The following GLMN variants were observed in gnomAD, a reference collection of about 807,000 sequenced individuals.
GLMN encodes glomulin, FKBP associated protein, also known as glomulin.
A neutral mutation model predicts 87.8 loss-of-function variants in GLMN; 75 were observed. The ratio of observed to expected loss-of-function variants is 0.85; its 90% CI spans 0.71 to 1.04. GLMN has a LOEUF of 1.04. GLMN is among the 50% of genes least tolerant of loss of function. The pLI is 0.00. For missense variants in GLMN, 588 were observed against 658.8 expected, an observed-to-expected ratio of 0.89 and a Z score of 1.18; for synonymous variants, 206 against 221.6, an observed-to-expected ratio of 0.93 and a Z score of 0.63.
chr1:92,335,165 A>T, the GLMN span, among the ~76,000 whole-genome samples: 2 of 151,878 alleles, frequency 1.3e-5, no homozygotes, highest in African/African-American at 4.8e-5. Flanking sequence ...ACACTGTATG[A>T]GGGTTCCCTT....
At chr1:92,273,088 A>G (rs1426377312) in intron 7 of GLMN, among the ~76,000 whole-genome samples, 5 of 152,216 alleles carry the variant, frequency 3.3e-5, no homozygotes, top group Non-Finnish European at 5.9e-5. Context: ...CTTTTATTCA[A>G]TAAACACTTA....
chr1:92,266,360 G>T, intron 13 of GLMN, 59 bp downstream of exon 13: 1 of 871,396 alleles, frequency 1.1e-6, no homozygotes, highest in Non-Finnish European at 2.0e-6. Context: ...CAATTACATG[G>T]CATTAACATG....
At chr1:92,246,778 T>G in intron 18 of GLMN, 132 bp from the exon 19 acceptor site, 2 of 715,428 alleles carry the variant, frequency 2.8e-6, no homozygotes, top group South Asian at 3.0e-5. Context: ...CACCTGTAAT[T>G]CCTGTGCTTT....
intron 16 of GLMN, among the ~76,000 whole-genome samples, chr1:92,256,206 A>C (rs1318696625): frequency 1.3e-5 from 2 of 152,174 alleles, no homozygotes; most frequent in Admixed American, 6.5e-5. Flanking sequence ...AACCAGGAAG[A>C]AGTCGAATCC....
the GLMN span, among the ~76,000 whole-genome samples, chr1:92,311,400 A>G: frequency 1.3e-5 from 2 of 152,256 alleles, no homozygotes; most frequent in African/African-American, 4.8e-5. Context: ...AGAGAAACTT[A>G]TACTACCTTG....
the GLMN span, among the ~76,000 whole-genome samples, chr1:92,317,752 C>G: frequency 6.6e-6 from 1 of 152,196 alleles, no homozygotes; most frequent in Non-Finnish European, 1.5e-5. Context: ...CTACCTTATG[C>G]TTTTTCCCTT....
chr1:92,366,689 C>T, the GLMN span, among the ~76,000 whole-genome samples: 1 of 152,134 alleles, frequency 6.6e-6, no homozygotes, highest in Non-Finnish European at 1.5e-5. Context: ...TGCTAAGGAG[C>T]ATGCAGTATA....
intron 7 of GLMN, among the ~76,000 whole-genome samples, chr1:92,281,359 A>G (rs1480927287): frequency 1.3e-5 from 2 of 152,248 alleles, no homozygotes. Flanking sequence ...TTTCATATCC[A>G]GCCAAACTAA....
rs1238410405 is a variant in GLMN at position 92,267,975 on chromosome 1, T to C, written c.1036A>G (p.Ile346Val). The change falls in exon 11 of 19, where the codon ATA becomes GTA. Residue 346 changes from isoleucine to valine, a missense_variant. Ile to Val is a conservative substitution (Grantham distance 29, BLOSUM62 3). Transcript: ENST00000370360. The stretch of plus-strand genomic sequence containing the variant: ...TGGTAAAGTAGACTATTGTCTTCTA[T>C]TCTCAATAAACTATTCTCCAGCAGC... ...LELLENSLLR[I>V]EDNSLLYQYL... 1.3e-6 allele frequency: 2 copies of C among 1,570,250 alleles called. No individual in the cohort carries two copies. The highest frequency in any genetic ancestry group is 1.8e-6 in the Non-Finnish European group (2 of 1,140,206).
At chr1:92,361,498 G>GA in the GLMN span, among the ~76,000 whole-genome samples, 1 of 151,922 alleles carries the variant, frequency 6.6e-6, no homozygotes, top group Non-Finnish European at 1.5e-5. Context: ...CATTGCACGT[G>GA]AAAAAACAAA....
In GLMN at chr1:92,264,639, C is replaced by G. The variant is rs768440365; in HGVS notation, c.1215-1G>C. On this transcript the variant is annotated splice_acceptor_variant, in intron 13 of 18. Transcript: ENST00000370360. LOFTEE classifies it high-confidence loss of function. The stretch of plus-strand genomic sequence containing the variant: ...GTGATTACTTGTATTCAATAAGCAC[C>G]TTGAAAGCAAAATTACAATAGATGT... 7 of 1,514,224 alleles carry G rather than the reference C, an allele frequency of 4.6e-6. No individual in the cohort carries two copies. The highest frequency in any genetic ancestry group is 6.4e-6 in the Non-Finnish European group (7 of 1,089,350). 93.8% of individuals were successfully genotyped at this position (1,514,224 alleles called of 1,614,324 possible). A position where few individuals can be genotyped will look rare whatever the true frequency, so the allele number is the denominator to read the frequency against.
At position 92,266,726 on chromosome 1, in the gene GLMN, T is replaced by C. The variant is rs1251723971; in HGVS notation, c.1114A>G (p.Met372Val). ...LTVPQGLVKV[M>V]TLCPIETLRK... ...AGTGTCTCAATGGGGCAAAGTGTCA[T>C]TACTTTCACTAAGCCCTGGAAATAA... is the stretch of plus-strand genomic sequence containing the variant. The change falls in exon 12 of 19, where the codon ATG becomes GTG. Residue 372 changes from methionine to valine, a missense_variant. Transcript: ENST00000370360. 1.2e-6 allele frequency: 2 copies of C among 1,601,924 alleles called. No individual in the cohort carries two copies. The highest frequency in any genetic ancestry group is 8.5e-7 in the Non-Finnish European group (1 of 1,169,908).
the GLMN span, among the ~76,000 whole-genome samples, chr1:92,348,463 G>C: frequency 6.6e-6 from 1 of 151,980 alleles, no homozygotes. Context: ...TCTAACTTTT[G>C]CTCTAGGCCT....
chr1:92,348,537 A>C, the GLMN span, among the ~76,000 whole-genome samples: 1 of 152,028 alleles, frequency 6.6e-6, no homozygotes, highest in Non-Finnish European at 1.5e-5. Flanking sequence ...GAATCTCCCT[A>C]TTCTTTTGAT....
At chr1:92,315,196 T>C in the GLMN span, among the ~76,000 whole-genome samples, 2 of 152,030 alleles carry the variant, frequency 1.3e-5, no homozygotes, top group African/African-American at 4.8e-5. Context: ...CTAATTTCAA[T>C]ATTGTTGTGT....
the GLMN span, among the ~76,000 whole-genome samples, chr1:92,330,628 G>C: frequency 1.3e-5 from 2 of 151,468 alleles, no homozygotes; most frequent in African/African-American, 4.9e-5. Flanking sequence ...TGTATTTTTA[G>C]TAGAAACACA....
At chr1:92,345,773 G>C in the GLMN span, 1 of 923,306 alleles carries the variant, frequency 1.1e-6, no homozygotes, top group Non-Finnish European at 1.7e-6. Context: ...TTATAAATCT[G>C]ATGTTATCTA....
chr1:92,267,276 C>T (rs1018717860), intron 11 of GLMN, among the ~76,000 whole-genome samples: 3 of 152,110 alleles, frequency 2.0e-5, no homozygotes, highest in African/African-American at 4.8e-5. Context: ...CATAAAGAAG[C>T]TTCATTTTCC....
At chr1:92,363,961 T>TAGTTA in the GLMN span, among the ~76,000 whole-genome samples, 1 of 152,198 alleles carries the variant, frequency 6.6e-6, no homozygotes, top group Admixed American at 6.5e-5. Flanking sequence ...AGGCTATTTA[T>TAGTTA]AGTTAAGTTT....
Sources: allele counts gnomAD v4.1 joint callset (sites outside exome capture counted in the v4.1 genomes callset), GRCh38; gene constraint gnomAD v4.1.1; transcripts MANE v1.5; gene names NCBI Gene and HGNC (gene_info 2026-07-23, HGNC 2026-07-21).